PLCB4: variants seen among roughly 807,000 people sequenced by gnomAD.
PLCB4 encodes the protein phospholipase C beta 4.
In PLCB4, 77 loss-of-function variants were observed where a neutral mutation model predicts 178.8. The ratio of observed to expected loss-of-function variants is 0.43; its 90% CI spans 0.36 to 0.52. PLCB4 has a LOEUF of 0.52. Among genes scored for constraint, PLCB4 ranks in the 20% least tolerant of loss-of-function variants. PLCB4 has a pLI of 0.00. For synonymous variants in PLCB4, 496 were observed against 490.8 expected, an observed-to-expected ratio of 1.01 and a Z score of -0.14; for missense variants, 1,024 against 1,453.4, an observed-to-expected ratio of 0.70 and a Z score of 4.80.
chr20:9,249,531 G>A (rs2094158663), intron 3 of PLCB4, among the ~76,000 whole-genome samples: 2 of 152,056 alleles, frequency 1.3e-5, no homozygotes, highest in South Asian at 2.1e-4. Context: ...GCCCAGGCTG[G>A]TCTCGAGCTC....
chr20:9,421,558 A>G (rs1409709029), intron 27 of PLCB4, 97 bp downstream of exon 27: 1 of 904,718 alleles, frequency 1.1e-6, no homozygotes, highest in Non-Finnish European at 1.7e-6. Flanking sequence ...TATTCAACCG[A>G]CAACATCTTC....
chr20:9,417,010 A>G (rs1223192669), intron 25 of PLCB4, among the ~76,000 whole-genome samples: 1 of 152,198 alleles, frequency 6.6e-6, no homozygotes, highest in Non-Finnish European at 1.5e-5. Context: ...TTTAACAGAT[A>G]ATAAAGTTGA....
intron 28 of PLCB4, among the ~76,000 whole-genome samples, chr20:9,430,101 TA>T (rs1415914186): frequency 2.0e-5 from 3 of 152,036 alleles, no homozygotes; most frequent in Non-Finnish European, 2.9e-5. Flanking sequence ...AAAATAAAAA[TA>T]AAAAAAGTTT....
intron 3 of PLCB4, among the ~76,000 whole-genome samples, chr20:9,265,342 G>A (rs1434535443): frequency 1.3e-5 from 2 of 152,092 alleles, no homozygotes; most frequent in East Asian, 1.9e-4. Flanking sequence ...AATTAGCTGG[G>A]CATGTTGCCA....
chr20:9,214,631 C>T (rs1373248462), intron 2 of PLCB4, among the ~76,000 whole-genome samples: 1 of 151,246 alleles, frequency 6.6e-6, no homozygotes, highest in Non-Finnish European at 1.5e-5. Flanking sequence ...GCACACAGTC[C>T]CTTCTTTACC....
At chr20:9,463,607 A>C in intron 35 of PLCB4, among the ~76,000 whole-genome samples, 1 of 150,556 alleles carries the variant, frequency 6.6e-6, no homozygotes, top group African/African-American at 2.4e-5. Context: ...AAAAAAAAAA[A>C]AAAAAAAGCA....
At chr20:9,380,197 A>C in intron 13 of PLCB4, 35 bp downstream of exon 13, 1 of 1,061,956 alleles carries the variant, frequency 9.4e-7, no homozygotes, top group Admixed American at 2.4e-5. Context: ...AAAAAAAAAA[A>C]CAAGAAAAGA....
chr20:9,314,586 G>A lies in PLCB4; in HGVS notation c.84+6688G>A, dbSNP rs567108783. Among the ~76,000 whole-genome samples, 328 of 152,240 alleles carry A rather than the reference G, an allele frequency of 2.2e-3. 2 individuals are homozygous for A. Among genetic ancestry groups the A allele is most frequent in the Middle Eastern group, 6.8e-3 (2 of 294 alleles). On this transcript the variant is annotated intron_variant, in intron 4 of 39. Coordinates refer to ENST00000378473, the MANE Select transcript of PLCB4 (RefSeq NM_001377142.1). ...TTATATTGTTTCTTTCTGAAATGAC[G>A]AAGAACCAAAAGCAAAAGTGATATC...
intron 7 of PLCB4, among the ~76,000 whole-genome samples, chr20:9,340,671 C>T (rs1601949312): frequency 6.6e-6 from 1 of 152,124 alleles, no homozygotes; most frequent in South Asian, 2.1e-4. Context: ...GCAGTATGAG[C>T]TCAAGTATTG....
rs1356898650 is a variant in PLCB4, at chr20:9,273,672, T to C, written c.-15-34128T>C. On this transcript the variant is annotated intron_variant, in intron 3 of 39. Coordinates refer to ENST00000378473, the MANE Select transcript of PLCB4 (RefSeq NM_001377142.1). ...GATAATACAGACTGGTTATTATGGTTGCAGTGTGTGTGTGTGTGTGTGTGT... is the reference window on the plus strand; with the variant it reads ...GATAATACAGACTGGTTATTATGGTCGCAGTGTGTGTGTGTGTGTGTGTGT... 1.0e-4 allele frequency among the ~76,000 whole-genome samples: 13 copies of C among 130,078 alleles called. No homozygotes were observed. The South Asian group carries it at 2.7e-3, about 27-fold the overall frequency. 85.3% of individuals were successfully genotyped at this position (130,078 alleles called of 152,430 possible).
At chr20:9,087,746 G>A (rs983511814) in intron 1 of PLCB4, among the ~76,000 whole-genome samples, 8 of 152,240 alleles carry the variant, frequency 5.3e-5, no homozygotes, top group Admixed American at 3.9e-4. Context: ...TTCAAGGCCA[G>A]TTCTTTCTCA....
At chr20:9,451,706 G>A (rs1037645527) in intron 32 of PLCB4, among the ~76,000 whole-genome samples, 2 of 152,178 alleles carry the variant, frequency 1.3e-5, no homozygotes, top group African/African-American at 4.8e-5. Flanking sequence ...GTGTTATCAT[G>A]GGTATTGAAT....
intron 2 of PLCB4, among the ~76,000 whole-genome samples, chr20:9,170,875 C>T (rs907136965): frequency 1.3e-5 from 2 of 152,172 alleles, no homozygotes; most frequent in Admixed American, 1.3e-4. Flanking sequence ...ACCACAATCT[C>T]TTTGGTCATG....
rs564456864 is a variant in PLCB4 at position 9,262,101 on chromosome 20, T to C, written c.-16+44649T>C. 1.0e-3 allele frequency among the ~76,000 whole-genome samples: 158 copies of C among 152,276 alleles called. No homozygotes were observed. The Middle Eastern group carries it at 0.031, about 30-fold the overall frequency. On this transcript the variant is annotated intron_variant, in intron 3 of 39. Coordinates refer to ENST00000378473, the MANE Select transcript of PLCB4 (RefSeq NM_001377142.1). ...TGGAAAGTGGGAATTTGGAATTGTG[T>C]CTTCTATCGTCAGTTGAATGAATGG...
At chr20:9,462,100 G>A (rs1259120682) in intron 35 of PLCB4, among the ~76,000 whole-genome samples, 2 of 152,168 alleles carry the variant, frequency 1.3e-5, no homozygotes, top group African/African-American at 2.4e-5. Flanking sequence ...TGCAGCCTCC[G>A]CTGGTGATAC....
intron 3 of PLCB4, among the ~76,000 whole-genome samples, chr20:9,286,808 C>T (rs954878481): frequency 2.6e-5 from 4 of 151,908 alleles, no homozygotes; most frequent in Non-Finnish European, 5.9e-5. Flanking sequence ...AATTTTGAAG[C>T]GCCATCAGTA....
At chr20:9,182,489 G>A (rs533744638) in intron 2 of PLCB4, among the ~76,000 whole-genome samples, 5 of 152,288 alleles carry the variant, frequency 3.3e-5, no homozygotes, top group African/African-American at 9.6e-5. Context: ...CAGTAACCCG[G>A]GAACCTGTGA....
intron 4 of PLCB4, among the ~76,000 whole-genome samples, chr20:9,332,838 G>A (rs1206620061): frequency 1.3e-5 from 2 of 151,930 alleles, no homozygotes; most frequent in Non-Finnish European, 2.9e-5. Context: ...TCTTCTCTTT[G>A]CCCAGATTTC....
At chr20:9,178,454 A>C (rs1326304534) in intron 2 of PLCB4, among the ~76,000 whole-genome samples, 1 of 152,104 alleles carries the variant, frequency 6.6e-6, no homozygotes, top group Non-Finnish European at 1.5e-5. Context: ...ACTTATGTGA[A>C]GAAAAATGAA....
Sources: allele counts gnomAD v4.1 joint callset (sites outside exome capture counted in the v4.1 genomes callset), GRCh38; gene constraint gnomAD v4.1.1; transcripts MANE v1.5; gene names NCBI Gene and HGNC (gene_info 2026-07-23, HGNC 2026-07-21).